The following RBFOX1 variants were observed in gnomAD, a reference collection of about 807,000 sequenced individuals.
RBFOX1 encodes RNA binding protein fox-1 homolog 1.
RBFOX1 carries 8 observed loss-of-function variants against 57.7 expected under a neutral mutation model. That is an observed-to-expected ratio of 0.14 (90% confidence interval 0.08 to 0.25). The LOEUF is 0.25. Among genes scored for constraint, RBFOX1 ranks in the 10% least tolerant of loss-of-function variants. The probability of loss-of-function intolerance (pLI) is 1.00; values close to 1 mark genes in which losing one functional copy is unlikely to be tolerated. For synonymous variants in RBFOX1, 326 were observed against 222.4 expected (o/e 1.47, Z -4.15); for missense variants, 611 against 548.5 (o/e 1.11, Z -1.14).
chr16:5,588,017 T>A (rs901948066), intron 2 of RBFOX1, among the ~76,000 whole-genome samples: 1 of 152,132 alleles, frequency 6.6e-6, no homozygotes, highest in Non-Finnish European at 1.5e-5. Flanking sequence ...AATAGAATAT[T>A]TTCAGCAATA....
At chr16:5,591,476 C>A (rs540296638) in intron 2 of RBFOX1, among the ~76,000 whole-genome samples, 23 of 152,254 alleles carry the variant, frequency 1.5e-4, no homozygotes, top group African/African-American at 4.8e-4. Flanking sequence ...GTCTCGTACT[C>A]CTGACCTCAG....
At position 6,648,051 on chromosome 16, in the gene RBFOX1, C is replaced by T. The variant is rs952393503; in HGVS notation, c.-63-6552C>T. Among the ~76,000 whole-genome samples, 3 of 152,180 alleles carry T rather than the reference C, an allele frequency of 2.0e-5. No individual in the cohort carries two copies. In the East Asian group the frequency reaches 5.8e-4, roughly 30 times the overall value. On this transcript the variant is annotated intron_variant, in intron 2 of 15. Transcript: ENST00000550418. ...GAGACAGGGGTTTCATTTTCTTGCC[C>T]AGACAGGTCTCAAACTCCTGGCCTC...
intron 2 of RBFOX1, among the ~76,000 whole-genome samples, chr16:5,528,913 G>T (rs983244253): frequency 3.9e-5 from 6 of 152,096 alleles, no homozygotes; most frequent in Non-Finnish European, 1.5e-5. Flanking sequence ...GCCTCCCAAA[G>T]TGCTGGGATT....
intron 3 of RBFOX1, among the ~76,000 whole-genome samples, chr16:6,689,791 C>T (rs1240510148): frequency 2.6e-5 from 4 of 152,138 alleles, no homozygotes; most frequent in Admixed American, 1.3e-4. Context: ...CGTCTTCCTA[C>T]GGGGAGAGAC....
intron 4 of RBFOX1, among the ~76,000 whole-genome samples, chr16:7,199,701 C>T (rs9940885): frequency 6.6e-6 from 1 of 152,044 alleles, no homozygotes; most frequent in Non-Finnish European, 1.5e-5. Context: ...CAAGATCTGC[C>T]TTTGCCAACG....
intron 2 of RBFOX1, among the ~76,000 whole-genome samples, chr16:6,446,703 A>T (rs1350547403): frequency 2.6e-5 from 4 of 152,196 alleles, no homozygotes; most frequent in Admixed American, 1.3e-4. Context: ...AAGTTAATAT[A>T]GATTAAATAG....
intron 3 of RBFOX1, among the ~76,000 whole-genome samples, chr16:6,938,735 C>A (rs1464293967): frequency 1.3e-5 from 2 of 152,080 alleles, no homozygotes; most frequent in African/African-American, 4.8e-5. Context: ...AGTTTGAAAC[C>A]AGTTTGGCTG....
intron 1 of RBFOX1, among the ~76,000 whole-genome samples, chr16:6,077,947 C>G (rs1047099981): frequency 6.6e-6 from 1 of 151,988 alleles, no homozygotes; most frequent in African/African-American, 2.4e-5. Flanking sequence ...GCTGTTGCCC[C>G]CAGGAAATGA....
intron 14 of RBFOX1, among the ~76,000 whole-genome samples, chr16:7,691,684 T>G (rs1420283266): frequency 6.6e-6 from 1 of 152,178 alleles, no homozygotes; most frequent in Non-Finnish European, 1.5e-5. Flanking sequence ...TACATCTGTT[T>G]TTGTCTCCAA....
Position 6,915,505 on chromosome 16 carries a change from T to G in RBFOX1, c.-15-136552T>G, listed in dbSNP as rs543543266. On this transcript the variant is annotated intron_variant, in intron 3 of 15. Transcript: ENST00000550418. ...TTCCTACTATAGCCTAAATCTAAAATCTAAACAATAACTATTTTTTCTAAG... is the reference window on the plus strand; with the variant it reads ...TTCCTACTATAGCCTAAATCTAAAAGCTAAACAATAACTATTTTTTCTAAG... 4.6e-5 allele frequency among the ~76,000 whole-genome samples: 7 copies of G among 151,814 alleles called. No homozygotes were observed. The South Asian group carries it at 1.3e-3, about 27-fold the overall frequency.
At chr16:7,602,513 C>A (rs144342738) in intron 9 of RBFOX1, among the ~76,000 whole-genome samples, 2 of 152,180 alleles carry the variant, frequency 1.3e-5, no homozygotes, top group South Asian at 2.1e-4. Flanking sequence ...CATACACAAA[C>A]TGCCTAAGAA....
At chr16:7,537,926 C>G (rs559581883) in intron 5 of RBFOX1, among the ~76,000 whole-genome samples, 2 of 152,308 alleles carry the variant, frequency 1.3e-5, no homozygotes, top group African/African-American at 4.8e-5. Flanking sequence ...GAGAATCTGC[C>G]TTTTGGGCAT....
intron 1 of RBFOX1, among the ~76,000 whole-genome samples, chr16:5,341,993 G>A (rs536987767): frequency 7.4e-4 from 113 of 152,340 alleles, no homozygotes; most frequent in Admixed American, 1.3e-3. Flanking sequence ...AACATGTCAA[G>A]TTTGTTCCCC....
intron 4 of RBFOX1, among the ~76,000 whole-genome samples, chr16:7,384,034 A>G (rs1228586834): frequency 6.6e-6 from 1 of 151,106 alleles, no homozygotes; most frequent in Non-Finnish European, 1.5e-5. Context: ...AGCCTGGGCA[A>G]CAGAGTGAGA....
At chr16:6,727,074 G>A (rs12448871) in intron 3 of RBFOX1, among the ~76,000 whole-genome samples, 4 of 148,032 alleles carry the variant, frequency 2.7e-5, no homozygotes, top group African/African-American at 1.0e-4. Flanking sequence ...CAGACACAGA[G>A]AGAGACACAC....
chr16:5,920,694 C>G (rs773487209), intron 4 of RBFOX1, among the ~76,000 whole-genome samples: 3 of 152,174 alleles, frequency 2.0e-5, no homozygotes, highest in Non-Finnish European at 4.4e-5. Context: ...AGGTAGGATC[C>G]TCGTCCTTGA....
At chr16:7,001,603 C>A (rs533375458) in intron 3 of RBFOX1, among the ~76,000 whole-genome samples, 1 of 151,956 alleles carries the variant, frequency 6.6e-6, no homozygotes, top group East Asian at 1.9e-4. Flanking sequence ...ATTACAGGCA[C>A]GTGCCATCAC....
At chr16:5,728,659 G>C (rs1478713558) in intron 3 of RBFOX1, among the ~76,000 whole-genome samples, 1 of 152,146 alleles carries the variant, frequency 6.6e-6, no homozygotes, top group Admixed American at 6.5e-5. Flanking sequence ...GACTCCGTAG[G>C]TCACTCTGAG....
chr16:5,343,910 G>T (rs1226076966), intron 1 of RBFOX1, among the ~76,000 whole-genome samples: 1 of 152,170 alleles, frequency 6.6e-6, no homozygotes, highest in African/African-American at 2.4e-5. Context: ...TGGATTTCTG[G>T]TATAAATGTG....
Sources: allele counts gnomAD v4.1 joint callset (sites outside exome capture counted in the v4.1 genomes callset), GRCh38; gene constraint gnomAD v4.1.1; transcripts MANE v1.5; gene names NCBI Gene and HGNC (gene_info 2026-07-23, HGNC 2026-07-21).